CHUK: variants seen among roughly 807,000 people sequenced by gnomAD.
The protein encoded by CHUK is inhibitor of nuclear factor kappa-B kinase subunit alpha.
Under a neutral mutation model 104.8 loss-of-function variants are expected in CHUK, and 35 were observed. The observed-to-expected ratio is 0.33, with a 90% CI of 0.26 to 0.44. The LOEUF is 0.44. Ranked by LOEUF, CHUK falls within the 20% of genes least tolerant of loss-of-function variation. The probability of loss-of-function intolerance (pLI) is 1.00; values close to 1 mark genes in which losing one functional copy is unlikely to be tolerated. For missense variants in CHUK, 663 were observed against 902.7 expected, an observed-to-expected ratio of 0.73 and a Z score of 3.40; for synonymous variants, 276 against 291.9, an observed-to-expected ratio of 0.95 and a Z score of 0.56.
rs562037366 is a variant in CHUK at position 100,188,868 on chromosome 10, T to C, written c.*730A>G. The C allele has an allele frequency of 1.3e-5, 2 of 152,366 alleles. No individual in the cohort carries two copies. The highest frequency in any genetic ancestry group is 2.1e-4 in the South Asian group (1 of 4,830). 9.4% of individuals were successfully genotyped at this position (152,366 alleles called of 1,614,324 possible). On this transcript the variant is annotated 3_prime_UTR_variant, in exon 21 of 21. Coordinates refer to ENST00000370397, the MANE Select transcript of CHUK (RefSeq NM_001278.5). ...TTACAAATGAAAAAACATGTAATTT[T>C]CAAATACATTATAAATTAACAGGCA...
downstream of CHUK, chr10:100,187,760 G>C (rs891674300): frequency 1.3e-5 from 2 of 152,442 alleles, no homozygotes; most frequent in Admixed American, 1.3e-4. Flanking sequence ...CCACACACCA[G>C]CAGCGGCCCC....
chr10:100,208,782 T>TAAAAAAAAAAA lies in CHUK; in HGVS notation c.1128+802_1128+812dup, dbSNP rs56149905. Among the ~76,000 whole-genome samples, 35 of 125,466 alleles carry TAAAAAAAAAAA rather than the reference T, an allele frequency of 2.8e-4. 2 individuals carry two copies. Among genetic ancestry groups the TAAAAAAAAAAA allele is most frequent in the East Asian group, 4.5e-4 (2 of 4,400 alleles). The allele number at this position is 125,466 out of a possible 152,430, so 82.3% of individuals were successfully genotyped here. A position where few individuals can be genotyped will look rare whatever the true frequency, so the allele number is the denominator to read the frequency against. On this transcript the variant is annotated intron_variant, in intron 10 of 20. Coordinates refer to ENST00000370397, the MANE Select transcript of CHUK (RefSeq NM_001278.5). ...GCCTGGGCAACAGAGCAAGACTGTC[T>TAAAAAAAAAAA]AAAAAAAAAAAAAACTGGAAGAGCC...
intron 8 of CHUK, 91 bp downstream of exon 8, chr10:100,218,627 G>A (rs1487787708): frequency 5.8e-6 from 5 of 856,626 alleles, no homozygotes; most frequent in Non-Finnish European, 1.0e-5. Context: ...AGTTCTACTG[G>A]ATAATGCAAC....
At chr10:100,203,433 A>G (rs1235279090) in intron 13 of CHUK, among the ~76,000 whole-genome samples, 2 of 151,634 alleles carry the variant, frequency 1.3e-5, no homozygotes, top group Non-Finnish European at 2.9e-5. Context: ...TAAAATATCA[A>G]TAATATATAA....
chr10:100,217,896 G>A (rs947071503), intron 9 of CHUK, 99 bp downstream of exon 9: 40 of 1,196,882 alleles, frequency 3.3e-5, no homozygotes, highest in Non-Finnish European at 4.7e-5. Context: ...AAATAAATAA[G>A]CAACAGGAAA....
intron 9 of CHUK, among the ~76,000 whole-genome samples, chr10:100,210,064 G>GTTATTTATTTAT (rs1190793682): frequency 0.021 from 3,013 of 142,650 alleles, 70 homozygotes; most frequent in East Asian, 0.031. Context: ...GAAAGAACAA[G>GTTATTTATTTAT]TTATTTATTT....
Position 100,215,189 on chromosome 10 carries a change from C to T in CHUK, c.933+2806G>A, listed in dbSNP as rs560871010. 1.7e-4 allele frequency among the ~76,000 whole-genome samples: 21 copies of T among 125,822 alleles called. No individual in the cohort carries two copies. In the South Asian group the frequency reaches 4.6e-3, roughly 27 times the overall value. 82.5% of individuals were successfully genotyped at this position (125,822 alleles called of 152,430 possible). A position where few individuals can be genotyped will look rare whatever the true frequency, so the allele number is the denominator to read the frequency against. ...GGTGTAGGTTGCAGTGAGTTGAGAT[C>T]GTGAGACAGAGTGAGGCTCCATATC... On this transcript the variant is annotated intron_variant, in intron 9 of 20. Coordinates refer to ENST00000370397, the MANE Select transcript of CHUK (RefSeq NM_001278.5).
intron 9 of CHUK, among the ~76,000 whole-genome samples, chr10:100,211,526 G>C (rs946283645): frequency 1.3e-5 from 2 of 152,100 alleles, no homozygotes; most frequent in East Asian, 3.9e-4. Flanking sequence ...TGATGCTATG[G>C]TCTGCTTCTA....
At chr10:100,208,523 CG>C (rs1845643695) in intron 10 of CHUK, among the ~76,000 whole-genome samples, 1 of 150,280 alleles carries the variant, frequency 6.7e-6, no homozygotes, top group Non-Finnish European at 1.5e-5. Context: ...AAAGAGTGGC[CG>C]GGTGCAGTGG....
chr10:100,200,043 T>C, intron 15 of CHUK, 23 bp from the exon 16 acceptor site: 6 of 1,577,346 alleles, frequency 3.8e-6, no homozygotes, highest in Non-Finnish European at 5.2e-6. Context: ...AAACACGCTC[T>C]GATAAGTGAA....
At position 100,196,590 on chromosome 10, in the gene CHUK, A is replaced by T. The variant is rs567548952; in HGVS notation, c.1730-2069T>A. Among the ~76,000 whole-genome samples the T allele has an allele frequency of 2.8e-4, 42 of 152,114 alleles. 1 individual carries two copies. In the South Asian group the frequency reaches 8.5e-3, roughly 31 times the overall value. On this transcript the variant is annotated intron_variant, in intron 16 of 20. Coordinates refer to ENST00000370397, the MANE Select transcript of CHUK (RefSeq NM_001278.5). ...TATTGATTTATTTTTTTGTAGAGACAGGGTCTCACTATGTTGCCCAGACTG... is the reference window on the plus strand; with the variant it reads ...TATTGATTTATTTTTTTGTAGAGACTGGGTCTCACTATGTTGCCCAGACTG...
chr10:100,190,848 C>A (rs373324013), intron 20 of CHUK, 21 bp downstream of exon 20: 1 of 1,377,476 alleles, frequency 7.3e-7, no homozygotes, highest in Non-Finnish European at 1.0e-6. Flanking sequence ...AAGCAGGCAC[C>A]CATATCCACA....
At position 100,204,574 on chromosome 10, in the gene CHUK, A is replaced by G. The variant is rs201870128; in HGVS notation, c.1439T>C (p.Leu480Ser). The change falls in exon 13 of 21, where the codon TTG (leucine) becomes TCG (serine). Residue 480 changes from leucine to serine, a missense_variant. By Grantham distance (145) the Leu-to-Ser change is moderately radical (BLOSUM62 -2). Coordinates refer to ENST00000370397, the MANE Select transcript of CHUK (RefSeq NM_001278.5). ...CTGAATGCTTTTGTGAAAAAACTCC[A>G]ATTTAGCTTTCAGTTGTTGTGATGC... ...ISASQQLKAK[L>S]EFFHKSIQLD... 6 of 1,613,608 alleles carry G rather than the reference A, an allele frequency of 3.7e-6. No homozygotes were observed. The highest frequency in any genetic ancestry group is 1.3e-5 in the African/African-American group (1 of 75,028).
chr10:100,205,009 G>T, intron 12 of CHUK, 67 bp downstream of exon 12: 3 of 1,574,486 alleles, frequency 1.9e-6, no homozygotes, highest in South Asian at 2.2e-5. Flanking sequence ...AGTGAAAACC[G>T]GCAAGATTAA....
At chr10:100,226,499 C>G (rs760011775) in intron 1 of CHUK, among the ~76,000 whole-genome samples, 2 of 152,108 alleles carry the variant, frequency 1.3e-5, no homozygotes, top group African/African-American at 2.4e-5. Context: ...TTTCAAATGA[C>G]ATGAAGAAAA....
chr10:100,222,147 T>C lies in CHUK; in HGVS notation c.350A>G (p.Lys117Arg). The C allele has an allele frequency of 6.3e-7, 1 of 1,598,474 alleles. No individual in the cohort carries two copies. Among genetic ancestry groups the C allele is most frequent in the Non-Finnish European group, 8.6e-7 (1 of 1,167,088 alleles). The part of the protein sequence containing the change: ...LNKPENCCGL[K>R]ESQILSLLSD... ...TAGTAAAGAAAGTATCTGGCTTTCT[T>C]TAAGTCCACAACAATTTTCTGGTTT... Residue 117 changes from lysine (K) to arginine (R), a missense_variant, in exon 4 of 21, where the codon AAA becomes AGA. Physicochemically the swap from Lys to Arg is conservative, Grantham distance 26 (BLOSUM62 2). Around this residue, in one of 5 missense-constraint regions of CHUK, gnomAD observed 200 missense variants for 333.0 expected, o/e 0.60. Transcript: ENST00000370397.
chr10:100,209,871 T>C (rs1289112106), intron 9 of CHUK, 82 bp from the exon 10 acceptor site: 2 of 678,834 alleles, frequency 2.9e-6, no homozygotes, highest in Non-Finnish European at 5.3e-6. Context: ...AAGGTGAATA[T>C]GGGCAAAAGG....
chr10:100,210,091 A>ATTTATTTTTATT (rs58570772), intron 9 of CHUK, among the ~76,000 whole-genome samples: 12 of 121,802 alleles, frequency 9.9e-5, no homozygotes, highest in African/African-American at 3.6e-4. Flanking sequence ...TTATTTATTT[A>ATTTATTTTTATT]TTTTTTTTTT....
intron 16 of CHUK, among the ~76,000 whole-genome samples, chr10:100,198,283 T>G (rs958554236): frequency 1.3e-5 from 2 of 152,196 alleles, no homozygotes; most frequent in Non-Finnish European, 2.9e-5. Context: ...ACCATCATAC[T>G]TCACTGTATA....
Sources: allele counts gnomAD v4.1 joint callset (sites outside exome capture counted in the v4.1 genomes callset), GRCh38; gene constraint gnomAD v4.1.1; regional missense constraint gnomAD v4.1.1; transcripts MANE v1.5; gene names NCBI Gene and HGNC (gene_info 2026-07-23, HGNC 2026-07-21).